DHRS12: variants seen among roughly 807,000 people sequenced by gnomAD.
DHRS12 encodes the protein dehydrogenase/reductase 12, also known as dehydrogenase/reductase SDR family member 12.
DHRS12 carries 29 observed loss-of-function variants against 32.1 expected under a neutral mutation model. The observed-to-expected ratio is 0.90, with a 90% CI of 0.67 to 1.23. DHRS12 has a LOEUF of 1.23. Among genes scored for constraint, DHRS12 ranks in the 50% most tolerant of loss-of-function variants. The pLI is 0.00. For synonymous variants in DHRS12, 150 were observed against 135.9 expected (o/e 1.10, Z -0.72); for missense variants, 330 against 337.2 (o/e 0.98, Z 0.17).
intron 5 of DHRS12, among the ~76,000 whole-genome samples, chr13:51,776,848 CGGGGGTT>C (rs755122156): frequency 1.3e-5 from 2 of 152,060 alleles, no homozygotes; most frequent in East Asian, 1.9e-4. Flanking sequence ...GAGTGGGGGT[CGGGGGTT>C]GGGGGGGTTC....
chr13:51,769,818 C>T (rs1447821261), intron 7 of DHRS12, among the ~76,000 whole-genome samples: 1 of 152,268 alleles, frequency 6.6e-6, no homozygotes, highest in Non-Finnish European at 1.5e-5. Flanking sequence ...AGGTGTCCCA[C>T]CCTCTGCATC....
At chr13:51,759,755 C>G in the DHRS12 span, 4 of 1,613,860 alleles carry the variant, frequency 2.5e-6, no homozygotes, top group African/African-American at 1.3e-5. Flanking sequence ...GGATATGACC[C>G]CAGTCGTGTC....
chr13:51,773,084 T>A, intron 6 of DHRS12: 1 of 983,998 alleles, frequency 1.0e-6, no homozygotes. Context: ...GTTATATATA[T>A]CCGGCTTTTA....
At chr13:51,792,828 T>A (rs1173904525) in intron 2 of DHRS12, among the ~76,000 whole-genome samples, 2 of 152,200 alleles carry the variant, frequency 1.3e-5, no homozygotes, top group African/African-American at 4.8e-5. Flanking sequence ...TTACAAGAGG[T>A]CTTGGAGATG....
At chr13:51,777,339 G>A in intron 4 of DHRS12, 1 of 576,396 alleles carries the variant, frequency 1.7e-6, no homozygotes, top group Non-Finnish European at 3.1e-6. Flanking sequence ...GTACCGACAG[G>A]AAAAGATGTC....
At chr13:51,797,553 T>G (rs1955562288) in intron 2 of DHRS12, among the ~76,000 whole-genome samples, 1 of 152,220 alleles carries the variant, frequency 6.6e-6, no homozygotes, top group South Asian at 2.1e-4. Context: ...GAAGTATCAC[T>G]GTCCAGTGTA....
chr13:51,768,654 G>A, intron 8 of DHRS12: 1 of 1,137,736 alleles, frequency 8.8e-7, no homozygotes, highest in Middle Eastern at 3.8e-4. Flanking sequence ...GCCAAGCAAA[G>A]AGCCTGGCTT....
intron 5 of DHRS12, chr13:51,774,573 AT>A (rs547056261): frequency 1.1e-4 from 1 of 8,826 alleles, no homozygotes; most frequent in Non-Finnish European, 2.5e-4. Flanking sequence ...ATTCTCCTAC[AT>A]GTATTCTCCT....
chr13:51,771,983 C>T, intron 6 of DHRS12, 72 bp from the exon 7 acceptor site: 3 of 1,446,250 alleles, frequency 2.1e-6, no homozygotes, highest in Non-Finnish European at 2.9e-6. Flanking sequence ...GGGGATAAGC[C>T]CTGCCCAGCC....
Position 51,799,605 on chromosome 13 carries a change from C to A in DHRS12, c.55G>T (p.Glu19Ter), listed in dbSNP as rs1247663225. Residue 19 changes from glutamate (E) to a stop codon, truncating the protein, a stop_gained, in exon 2 of 9, where the codon GAA becomes TAA. Coordinates refer to ENST00000444610, the MANE Select transcript of DHRS12 (RefSeq NM_001377533.1). LOFTEE classifies it high-confidence loss of function. ...SLMTWRSRFL[E>*]ESFWSLEETA... is the part of the protein sequence containing the mutation. ...TCCTCCAGTGACCAAAAAGACTCTT[C>A]CAGGAATCTGGACCTCCAAGTCATG... 2.5e-6 allele frequency: 4 copies of A among 1,614,168 alleles called. No homozygotes were observed. Among genetic ancestry groups the A allele is most frequent in the Non-Finnish European group, 3.4e-6 (4 of 1,180,024 alleles).
In DHRS12 at chr13:51,790,043, C is replaced by G. The variant is rs778899575; in HGVS notation, c.269G>C (p.Gly90Ala). Residue 90 changes from glycine to alanine, a missense_variant, in exon 4 of 9, where the codon GGA becomes GCA. Coordinates refer to ENST00000444610, the MANE Select transcript of DHRS12 (RefSeq NM_001377533.1). ...ATTGGCAGCAAAGTTTTTTTCAAGT[C>G]CATCTTCTGTGAGCTCTCTTTTATT... ...MVNKRELTED[G>A]LEKNFAANTL... 5 of 1,602,782 alleles carry G rather than the reference C, an allele frequency of 3.1e-6. No individual in the cohort carries two copies. In the South Asian group the frequency reaches 5.7e-5, roughly 18 times the overall value.
intron 5 of DHRS12, 79 bp downstream of exon 5, chr13:51,776,981 G>A: frequency 3.2e-6 from 5 of 1,546,382 alleles, no homozygotes; most frequent in Non-Finnish European, 4.5e-6. Context: ...AGGGCAGTCA[G>A]GCAGCAAACC....
At chr13:51,795,177 G>C (rs1256997094) in intron 2 of DHRS12, among the ~76,000 whole-genome samples, 1 of 152,114 alleles carries the variant, frequency 6.6e-6, no homozygotes, top group Non-Finnish European at 1.5e-5. Context: ...ACCTCACCCA[G>C]ACCCTCCTGC....
At chr13:51,770,877 A>T in intron 7 of DHRS12, 1 of 1,134,176 alleles carries the variant, frequency 8.8e-7, no homozygotes, top group Non-Finnish European at 1.1e-6. Flanking sequence ...CAGATTTTGC[A>T]CAGGTGTTCT....
At chr13:51,763,080 A>G (rs1284510122), downstream of DHRS12, 1 of 151,796 alleles carries the variant, frequency 6.6e-6, no homozygotes, top group Non-Finnish European at 1.5e-5. Flanking sequence ...TCAGAGATCT[A>G]GAGTGTTTCA....
rs1422576246 is a variant in DHRS12, at chr13:51,777,114, G to A, written c.309C>T (p.Tyr103=). Reference sequence around the variant, plus strand: ...CAGGGATCAGGCCGGTCGTGAGAATGTACACACCTGAGGCAGCACACAGCA... The same window carrying A: ...CAGGGATCAGGCCGGTCGTGAGAATATACACACCTGAGGCAGCACACAGCA... ...KNFAANTLGV[Y]ILTTGLIPVL... is the part of the protein sequence containing the mutation. Residue 103 remains tyrosine, a synonymous_variant, in exon 5 of 9, where the codon TAC becomes TAT. Coordinates refer to ENST00000444610, the MANE Select transcript of DHRS12 (RefSeq NM_001377533.1). The A allele has an allele frequency of 6.2e-7, 1 of 1,614,076 alleles. No individual in the cohort carries two copies. Among genetic ancestry groups the A allele is most frequent in the Non-Finnish European group, 8.5e-7 (1 of 1,180,030 alleles).
intron 6 of DHRS12, among the ~76,000 whole-genome samples, chr13:51,773,405 G>A (rs966615720): frequency 2.0e-5 from 3 of 152,104 alleles, no homozygotes; most frequent in Non-Finnish European, 4.4e-5. Flanking sequence ...TTGTGACATC[G>A]TCAGCACTCA....
At chr13:51,784,314 G>T (rs888287068) in intron 4 of DHRS12, among the ~76,000 whole-genome samples, 1 of 152,216 alleles carries the variant, frequency 6.6e-6, no homozygotes, top group Non-Finnish European at 1.5e-5. Flanking sequence ...AGGCTCAGGG[G>T]AAGGAATGTG....
chr13:51,802,197 ACACACACACACACACACACAC>A lies in DHRS12; in HGVS notation c.-9+1836_-9+1856del, dbSNP rs1000567655. On this transcript the variant is annotated intron_variant, in intron 1 of 8. Transcript: ENST00000444610. ...CACACACACACACACACACACACAC[ACACACACACACACACACACAC>A]GACTTTCCCAAGGTCACCAGAAGGT... 1.8e-4 allele frequency among the ~76,000 whole-genome samples: 25 copies of A among 142,846 alleles called. No homozygotes were observed. In the East Asian group the frequency reaches 2.3e-3, roughly 13 times the overall value. The allele number at this position is 142,846 out of a possible 152,430, so 93.7% of individuals were successfully genotyped here.
Sources: allele counts gnomAD v4.1 joint callset (sites outside exome capture counted in the v4.1 genomes callset), GRCh38; gene constraint gnomAD v4.1.1; transcripts MANE v1.5; gene names NCBI Gene and HGNC (gene_info 2026-07-23, HGNC 2026-07-21).